B3GAT2: variants seen among roughly 807,000 people sequenced by gnomAD.
The protein encoded by B3GAT2 is beta-1,3-glucuronyltransferase 2, also known as galactosylgalactosylxylosylprotein 3-beta-glucuronosyltransferase 2.
A neutral mutation model predicts 27.8 loss-of-function variants in B3GAT2; 26 were observed. The observed-to-expected ratio is 0.93, with a 90% CI of 0.68 to 1.30. The LOEUF (loss-of-function observed/expected upper bound fraction) is 1.30, where lower values mean the gene tolerates loss of function less well. Among genes scored for constraint, B3GAT2 ranks in the 50% most tolerant of loss-of-function variants. The pLI is 0.00. For synonymous variants in B3GAT2, 218 were observed against 195.1 expected (o/e 1.12, Z -0.98); for missense variants, 458 against 459.0 (o/e 1.00, Z 0.02).
Position 70,860,802 on chromosome 6 carries a change from T to G in B3GAT2, c.*861A>C, listed in dbSNP as rs897286599. 4.8e-5 allele frequency: 19 copies of G among 398,208 alleles called. No homozygotes were observed. Among genetic ancestry groups the G allele is most frequent in the Middle Eastern group, 1.3e-3 (2 of 1,592 alleles). The allele number at this position is 398,208 out of a possible 1,614,324, so 24.7% of individuals were successfully genotyped here. On this transcript the variant is annotated 3_prime_UTR_variant, in exon 4 of 4. Transcript: ENST00000230053. ...TCACTGAGCACTGTTTTCTAGTGTA[T>G]CAAAATGCTCTTATTTCATCATTCA...
At chr6:70,919,724 A>G (rs772788128) in intron 1 of B3GAT2, among the ~76,000 whole-genome samples, 18 of 152,120 alleles carry the variant, frequency 1.2e-4, no homozygotes, top group Non-Finnish European at 2.5e-4. Context: ...TCACCAATGG[A>G]GGCTGCAGAA....
chr6:70,934,749 A>C (rs1055229800), intron 1 of B3GAT2, among the ~76,000 whole-genome samples: 1 of 152,220 alleles, frequency 6.6e-6, no homozygotes. Flanking sequence ...CGTAAAAAAA[A>C]GTTGACCTAA....
At chr6:70,935,474 G>GTATATATATATATATATATA (rs754633194) in intron 1 of B3GAT2, among the ~76,000 whole-genome samples, 77 of 151,222 alleles carry the variant, frequency 5.1e-4, no homozygotes, top group Middle Eastern at 3.4e-3. Context: ...ATATATATGT[G>GTATATATATATATATATATA]TATATATATA....
intron 1 of B3GAT2, among the ~76,000 whole-genome samples, chr6:70,935,128 AG>A (rs956737094): frequency 1.1e-4 from 17 of 151,974 alleles, no homozygotes; most frequent in African/African-American, 4.1e-4. Flanking sequence ...GAATGAAGAT[AG>A]AAAAAAAAAA....
intron 2 of B3GAT2, among the ~76,000 whole-genome samples, chr6:70,874,155 T>C (rs1771978663): frequency 6.6e-6 from 1 of 152,188 alleles, no homozygotes; most frequent in African/African-American, 2.4e-5. Context: ...AACTGAACAT[T>C]TGAAATAATA....
intron 2 of B3GAT2, among the ~76,000 whole-genome samples, chr6:70,873,087 A>G (rs1771962858): frequency 6.6e-6 from 1 of 152,060 alleles, no homozygotes; most frequent in Non-Finnish European, 1.5e-5. Context: ...ACAGGAGAAA[A>G]GAGCTATAAA....
At chr6:70,866,759 T>G (rs1771857334) in intron 2 of B3GAT2, among the ~76,000 whole-genome samples, 1 of 152,028 alleles carries the variant, frequency 6.6e-6, no homozygotes, top group Non-Finnish European at 1.5e-5. Context: ...ACTGAAAAAT[T>G]TACAAACTTG....
intron 1 of B3GAT2, among the ~76,000 whole-genome samples, chr6:70,914,333 C>G (rs1006237948): frequency 6.6e-6 from 1 of 152,086 alleles, no homozygotes; most frequent in African/African-American, 2.4e-5. Flanking sequence ...CTCTCTGTGT[C>G]CACGTGTTCC....
At chr6:70,941,079 G>A (rs896336016) in intron 1 of B3GAT2, among the ~76,000 whole-genome samples, 4 of 152,084 alleles carry the variant, frequency 2.6e-5, no homozygotes, top group African/African-American at 9.7e-5. Flanking sequence ...TCTTGTCCCT[G>A]TAATCACCCT....
intron 1 of B3GAT2, among the ~76,000 whole-genome samples, chr6:70,939,052 A>C (rs976259759): frequency 2.0e-5 from 3 of 152,102 alleles, no homozygotes; most frequent in Non-Finnish European, 4.4e-5. Context: ...CAAATTTACA[A>C]GAAAAAACCA....
chr6:70,911,971 G>A (rs1218236745), intron 1 of B3GAT2, among the ~76,000 whole-genome samples: 2 of 152,146 alleles, frequency 1.3e-5, no homozygotes, highest in Non-Finnish European at 2.9e-5. Context: ...GTAAAGGAAT[G>A]CAACTTATTT....
chr6:70,957,027 C>G lies in B3GAT2; in HGVS notation c.-598G>C, dbSNP rs1009502779. The G allele has an allele frequency of 1.7e-5, 17 of 990,784 alleles. No individual in the cohort carries two copies. The highest frequency in any genetic ancestry group is 4.6e-5 in the South Asian group (1 of 21,578). 61.4% of individuals were successfully genotyped at this position (990,784 alleles called of 1,614,324 possible). A position where few individuals can be genotyped will look rare whatever the true frequency, so the allele number is the denominator to read the frequency against. The stretch of plus-strand genomic sequence containing the variant: ...GGAAGCCTGCTCTCAGTCCCTTGCT[C>G]TTGTCTTCTCAGAACCTCTCCGGAT... On this transcript the variant is annotated 5_prime_UTR_variant, in exon 1 of 4. Coordinates refer to ENST00000230053, the MANE Select transcript of B3GAT2 (RefSeq NM_080742.3).
At chr6:70,922,306 T>G (rs1772882980) in intron 1 of B3GAT2, among the ~76,000 whole-genome samples, 1 of 152,300 alleles carries the variant, frequency 6.6e-6, no homozygotes, top group South Asian at 2.1e-4. Flanking sequence ...AATAAGCACA[T>G]GAAATATCTG....
chr6:70,918,268 T>C (rs1182739493), intron 1 of B3GAT2, among the ~76,000 whole-genome samples: 1 of 152,200 alleles, frequency 6.6e-6, no homozygotes, highest in Non-Finnish European at 1.5e-5. Flanking sequence ...TCTTCTTCCA[T>C]CACTTTATTT....
chr6:70,879,480 G>GACTC lies in B3GAT2; in HGVS notation c.736+14647_736+14648insGAGT, dbSNP rs1554212867. On this transcript the variant is annotated intron_variant, in intron 2 of 3. Coordinates refer to ENST00000230053, the MANE Select transcript of B3GAT2 (RefSeq NM_080742.3). ...CCTGGCACAGTTGTTCTAAACTTAG[G>GACTC]ATTCATTCATTCATTCATTCATTCA... Among the ~76,000 whole-genome samples, 420 of 151,662 alleles carry GACTC rather than the reference G, an allele frequency of 2.8e-3. 2 individuals are homozygous for GACTC. Among genetic ancestry groups the GACTC allele is most frequent in the African/African-American group, 9.0e-3 (372 of 41,202 alleles).
rs1421897436 is a variant in B3GAT2 at position 70,902,434 on chromosome 6, CA to C, written c.592-8163del. 2.0e-5 allele frequency among the ~76,000 whole-genome samples: 3 copies of C among 151,884 alleles called. No homozygotes were observed. In the East Asian group the frequency reaches 5.8e-4, roughly 29 times the overall value. On this transcript the variant is annotated intron_variant, in intron 1 of 3. Transcript: ENST00000230053. ...TGTAGAGAACAGTATGGAGGCTCTT[CA>C]AAATATTAAAAATAGAGCTACCAAA...
intron 1 of B3GAT2, among the ~76,000 whole-genome samples, chr6:70,954,005 G>A (rs146263332): frequency 1.6e-4 from 24 of 152,218 alleles, no homozygotes; most frequent in Middle Eastern, 6.8e-3. Context: ...ACACCAAGAG[G>A]CTAGAAGCTC....
At chr6:70,870,397 G>C (rs866273382) in intron 2 of B3GAT2, among the ~76,000 whole-genome samples, 1 of 116,938 alleles carries the variant, frequency 8.6e-6, no homozygotes, top group Non-Finnish European at 1.7e-5. Flanking sequence ...GTTGTGGGGT[G>C]GGGGGAGGGG....
chr6:70,921,523 T>C (rs1009118257), intron 1 of B3GAT2, among the ~76,000 whole-genome samples: 1 of 152,236 alleles, frequency 6.6e-6, no homozygotes, highest in African/African-American at 2.4e-5. Flanking sequence ...ATTCCTTAGA[T>C]TCCTTGGATT....
Sources: gnomAD v4.1 joint callset for allele counts (sites outside exome capture counted in the v4.1 genomes callset) on GRCh38, gnomAD v4.1.1 for gene constraint, MANE v1.5 for transcripts, NCBI Gene and HGNC (gene_info 2026-07-23, HGNC 2026-07-21) for gene names.